ATP9B: variants seen among roughly 807,000 people sequenced by gnomAD.
ATP9B encodes probable phospholipid-transporting ATPase IIB.
Under a neutral mutation model 146.1 loss-of-function variants are expected in ATP9B, and 110 were observed. That is an observed-to-expected ratio of 0.75 (90% CI 0.65 to 0.88). The LOEUF (loss-of-function observed/expected upper bound fraction) is 0.88, where lower values mean the gene tolerates loss of function less well. Ranked by LOEUF, ATP9B falls within the 40% of genes least tolerant of loss-of-function variation. The pLI is 0.00. For missense variants in ATP9B, 1,499 were observed against 1,496.4 expected (o/e 1.00, Z -0.03); for synonymous variants, 604 against 569.7 (o/e 1.06, Z -0.86).
intron 25 of ATP9B, among the ~76,000 whole-genome samples, chr18:79,356,086 G>T (rs551204709): frequency 2.0e-5 from 3 of 152,214 alleles, no homozygotes; most frequent in Non-Finnish European, 4.4e-5. Context: ...GACAGAAGGC[G>T]CAGAGACGGC....
intron 7 of ATP9B, among the ~76,000 whole-genome samples, chr18:79,158,298 G>A (rs1203990170): frequency 6.6e-6 from 1 of 151,810 alleles, no homozygotes; most frequent in African/African-American, 2.4e-5. Flanking sequence ...TGTAGAGACA[G>A]GGTCTTGCTT....
rs113989436 is a variant in ATP9B, at chr18:79,206,969, C to T, written c.987C>T (p.Leu329=). 3 of 1,614,126 alleles carry T rather than the reference C, an allele frequency of 1.9e-6. No individual in the cohort carries two copies. Among genetic ancestry groups the T allele is most frequent in the Admixed American group, 3.3e-5 (2 of 60,024 alleles). The change falls in exon 10 of 30, where the codon CTC becomes CTT. Residue 329 remains leucine (L), a synonymous_variant. Transcript: ENST00000426216. ...GTGACCCGCCCATTCATGAAAGTCT[C>T]AGCATAGAAAATACATTGTGGGCAA... The part of the protein sequence containing the change: ...EDSDPPIHES[L]SIENTLWAST...
At chr18:79,148,907 T>C (rs2147532331) in intron 6 of ATP9B, among the ~76,000 whole-genome samples, 1 of 152,358 alleles carries the variant, frequency 6.6e-6, no homozygotes, top group East Asian at 1.9e-4. Context: ...ATGAACCTCA[T>C]TTTTATATAA....
chr18:79,173,368 C>T (rs777714375), intron 7 of ATP9B, among the ~76,000 whole-genome samples: 18 of 148,876 alleles, frequency 1.2e-4, no homozygotes, highest in Non-Finnish European at 1.9e-4. Context: ...TGGGTTGTTC[C>T]TTTGATGTCC....
At chr18:79,170,485 A>G (rs969695260) in intron 7 of ATP9B, among the ~76,000 whole-genome samples, 2 of 152,188 alleles carry the variant, frequency 1.3e-5, no homozygotes, top group African/African-American at 4.8e-5. Context: ...TCACACTTTT[A>G]GGTTGGCCTT....
At chr18:79,146,560 G>C (rs1279880605) in intron 6 of ATP9B, 3 of 198,672 alleles carry the variant, frequency 1.5e-5, no homozygotes, top group Non-Finnish European at 2.1e-5. Context: ...GCTGCATGTC[G>C]GGGGAGCTGG....
At chr18:79,147,710 G>C (rs2094614248) in intron 6 of ATP9B, among the ~76,000 whole-genome samples, 1 of 151,866 alleles carries the variant, frequency 6.6e-6, no homozygotes, top group South Asian at 2.1e-4. Context: ...AAACTCCTGT[G>C]GGGAAACAAG....
At chr18:79,286,428 T>C (rs1391230540) in intron 13 of ATP9B, among the ~76,000 whole-genome samples, 1 of 151,360 alleles carries the variant, frequency 6.6e-6, no homozygotes, top group Non-Finnish European at 1.5e-5. Context: ...TTGTCTGTTA[T>C]TGGTGTATAA....
chr18:79,093,637 T>G (rs2074532040), intron 1 of ATP9B, among the ~76,000 whole-genome samples: 1 of 152,244 alleles, frequency 6.6e-6, no homozygotes, highest in Admixed American at 6.5e-5. Flanking sequence ...TGCCTCAATC[T>G]TTTCTGGTAT....
At chr18:79,078,817 C>T (rs117043938) in intron 1 of ATP9B, among the ~76,000 whole-genome samples, 2,752 of 152,178 alleles carry the variant, frequency 0.018, 34 homozygotes, top group Non-Finnish European at 0.031. Flanking sequence ...ACCTAGCCCC[C>T]CACACCCCGA....
At chr18:79,334,678 T>G (rs1254107525) in intron 17 of ATP9B, among the ~76,000 whole-genome samples, 1 of 152,120 alleles carries the variant, frequency 6.6e-6, no homozygotes, top group African/African-American at 2.4e-5. Context: ...CCCCCAGACG[T>G]TGGCCCCTTG....
intron 7 of ATP9B, among the ~76,000 whole-genome samples, chr18:79,157,643 T>G (rs2094815411): frequency 6.6e-6 from 1 of 152,170 alleles, no homozygotes; most frequent in South Asian, 2.1e-4. Flanking sequence ...TTTAAAAAAT[T>G]ACTAATTCAG....
At chr18:79,334,922 G>C (rs981011263) in intron 17 of ATP9B, among the ~76,000 whole-genome samples, 6 of 151,988 alleles carry the variant, frequency 3.9e-5, no homozygotes, top group African/African-American at 1.5e-4. Flanking sequence ...ACACTGCCTT[G>C]TTCCGGGTAG....
At chr18:79,300,161 G>A (rs183632908) in intron 13 of ATP9B, among the ~76,000 whole-genome samples, 9 of 152,350 alleles carry the variant, frequency 5.9e-5, no homozygotes, top group Admixed American at 3.3e-4. Context: ...AGGGCAGAGC[G>A]AAGGAGCTTC....
chr18:79,256,701 C>T (rs961668971), intron 12 of ATP9B, among the ~76,000 whole-genome samples: 6 of 152,154 alleles, frequency 3.9e-5, no homozygotes, highest in African/African-American at 1.4e-4. Context: ...TTTAAGTCAG[C>T]TCATCTTCCC....
At chr18:79,241,782 C>T (rs1204472408) in intron 11 of ATP9B, among the ~76,000 whole-genome samples, 1 of 152,224 alleles carries the variant, frequency 6.6e-6, no homozygotes, top group Non-Finnish European at 1.5e-5. Context: ...TTGTCTTCTG[C>T]TGGCTGAATA....
intron 15 of ATP9B, among the ~76,000 whole-genome samples, chr18:79,317,924 A>G (rs1267030285): frequency 6.6e-6 from 1 of 152,248 alleles, no homozygotes; most frequent in African/African-American, 2.4e-5. Context: ...ACAAACAGAA[A>G]AAGCTGCCTG....
At chr18:79,233,847 A>G (rs1245408889) in intron 11 of ATP9B, among the ~76,000 whole-genome samples, 1 of 152,272 alleles carries the variant, frequency 6.6e-6, no homozygotes, top group East Asian at 1.9e-4. Flanking sequence ...TATGTAAAAT[A>G]TATACTGTAT....
intron 14 of ATP9B, among the ~76,000 whole-genome samples, chr18:79,305,986 G>A (rs887419724): frequency 3.3e-5 from 5 of 152,234 alleles, no homozygotes; most frequent in African/African-American, 4.8e-5. Context: ...TAAACATCAC[G>A]TAGTTTGGAA....
Sources: gnomAD v4.1 joint callset for allele counts (sites outside exome capture counted in the v4.1 genomes callset) on GRCh38, gnomAD v4.1.1 for gene constraint, MANE v1.5 for transcripts, NCBI Gene and HGNC (gene_info 2026-07-23, HGNC 2026-07-21) for gene names.